EXOC6B: variants seen among roughly 807,000 people sequenced by gnomAD.
EXOC6B encodes exocyst complex component 6B, also known as SEC15 homolog B.
In EXOC6B, 54 loss-of-function variants were observed where a neutral mutation model predicts 113.5. The ratio of observed to expected loss-of-function variants is 0.48; its 90% confidence interval spans 0.38 to 0.60. EXOC6B has a LOEUF of 0.60. Among genes scored for constraint, EXOC6B ranks in the 20% least tolerant of loss-of-function variants. The pLI is 0.00. For missense variants in EXOC6B, 797 were observed against 977.5 expected, an observed-to-expected ratio of 0.82 and a Z score of 2.46; for synonymous variants, 357 against 339.0, an observed-to-expected ratio of 1.05 and a Z score of -0.58.
At chr2:72,441,586 A>G (rs1236281680) in intron 18 of EXOC6B, among the ~76,000 whole-genome samples, 2 of 152,220 alleles carry the variant, frequency 1.3e-5, no homozygotes, top group African/African-American at 2.4e-5. Flanking sequence ...CAGAAATACA[A>G]ATAACCATCA....
At chr2:72,700,889 T>C (rs1678280614) in intron 6 of EXOC6B, among the ~76,000 whole-genome samples, 1 of 151,976 alleles carries the variant, frequency 6.6e-6, no homozygotes, top group South Asian at 2.1e-4. Flanking sequence ...AGACAGAGGT[T>C]GCAGTGAGCC....
At chr2:72,357,242 T>C (rs1326853317) in intron 19 of EXOC6B, among the ~76,000 whole-genome samples, 1 of 152,226 alleles carries the variant, frequency 6.6e-6, no homozygotes, top group Non-Finnish European at 1.5e-5. Context: ...TATTTTATTA[T>C]TGTTGTTGTT....
At chr2:72,660,527 CAG>C (rs1032834206) in intron 6 of EXOC6B, among the ~76,000 whole-genome samples, 13 of 152,150 alleles carry the variant, frequency 8.5e-5, no homozygotes, top group Admixed American at 7.9e-4. Context: ...ATTATCCTAT[CAG>C]AGAATATTCT....
chr2:72,573,918 A>C (rs1704665544), intron 7 of EXOC6B, among the ~76,000 whole-genome samples: 1 of 152,094 alleles, frequency 6.6e-6, no homozygotes, highest in Admixed American at 6.5e-5. Flanking sequence ...GATCCAGACC[A>C]TCCTGGCTAA....
At chr2:72,516,032 C>A (rs1304293446) in intron 8 of EXOC6B, among the ~76,000 whole-genome samples, 1 of 152,108 alleles carries the variant, frequency 6.6e-6, no homozygotes. Flanking sequence ...ACTAGAAAAA[C>A]ACAACAAAAG....
At chr2:72,796,567 T>C (rs1420264373) in intron 1 of EXOC6B, among the ~76,000 whole-genome samples, 1 of 152,142 alleles carries the variant, frequency 6.6e-6, no homozygotes, top group Non-Finnish European at 1.5e-5. Context: ...TTCATCTTTC[T>C]ATCCTGAACA....
At chr2:72,565,886 A>G (rs1318464418) in intron 7 of EXOC6B, among the ~76,000 whole-genome samples, 1 of 152,050 alleles carries the variant, frequency 6.6e-6, no homozygotes, top group Non-Finnish European at 1.5e-5. Context: ...TATGGAGGAG[A>G]ATTTGACATT....
At chr2:72,337,033 TA>T (rs1199582384) in intron 19 of EXOC6B, among the ~76,000 whole-genome samples, 5 of 151,776 alleles carry the variant, frequency 3.3e-5, no homozygotes, top group African/African-American at 1.2e-4. Context: ...AGTAAAATTC[TA>T]AAACTGTATG....
At chr2:72,782,877 A>G (rs1378374991) in intron 1 of EXOC6B, among the ~76,000 whole-genome samples, 1 of 152,226 alleles carries the variant, frequency 6.6e-6, no homozygotes, top group Non-Finnish European at 1.5e-5. Context: ...CTGCAGCCGA[A>G]CAGTATTCCA....
At chr2:72,269,909 G>C (rs1684377305) in intron 20 of EXOC6B, among the ~76,000 whole-genome samples, 1 of 152,120 alleles carries the variant, frequency 6.6e-6, no homozygotes, top group African/African-American at 2.4e-5. Flanking sequence ...GTTTTTTGAA[G>C]TTAACTAATC....
At chr2:72,652,881 C>T (rs891846944) in intron 6 of EXOC6B, among the ~76,000 whole-genome samples, 2 of 150,952 alleles carry the variant, frequency 1.3e-5, no homozygotes, top group African/African-American at 4.9e-5. Context: ...CATGGTGGCT[C>T]ACACCTGCAG....
chr2:72,744,276 G>C (rs1558967328), intron 1 of EXOC6B, among the ~76,000 whole-genome samples: 1 of 152,148 alleles, frequency 6.6e-6, no homozygotes, highest in African/African-American at 2.4e-5. Flanking sequence ...GACTGTACAT[G>C]TTTGGCTTCC....
chr2:72,365,960 G>A (rs1400670010), intron 19 of EXOC6B, among the ~76,000 whole-genome samples: 1 of 151,908 alleles, frequency 6.6e-6, no homozygotes, highest in Non-Finnish European at 1.5e-5. Flanking sequence ...GAATCCAATT[G>A]CAAATAACTA....
chr2:72,177,004 G>T lies in EXOC6B; in HGVS notation c.*2331C>A, dbSNP rs1677772750. ...CTAGTTCAAAAACTTGACATTGCTGGTCCCTGTTTTTACCTTCCCTGGCCC... is the reference window on the plus strand; with the variant it reads ...CTAGTTCAAAAACTTGACATTGCTGTTCCCTGTTTTTACCTTCCCTGGCCC... On this transcript the variant is annotated 3_prime_UTR_variant, in exon 22 of 22. Coordinates refer to ENST00000272427, the MANE Select transcript of EXOC6B (RefSeq NM_015189.3). The T allele has an allele frequency of 1.3e-5, 2 of 152,000 alleles. No homozygotes were observed. Among genetic ancestry groups the T allele is most frequent in the South Asian group, 2.1e-4 (1 of 4,784 alleles). 9.4% of individuals were successfully genotyped at this position (152,000 alleles called of 1,614,324 possible).
chr2:72,792,373 T>A (rs1684722126), intron 1 of EXOC6B, among the ~76,000 whole-genome samples: 1 of 152,216 alleles, frequency 6.6e-6, no homozygotes, highest in African/African-American at 2.4e-5. Flanking sequence ...GTTTTGGGGT[T>A]ATTTTGAAGA....
At chr2:72,807,793 G>A (rs1685660763) in intron 1 of EXOC6B, among the ~76,000 whole-genome samples, 1 of 151,952 alleles carries the variant, frequency 6.6e-6, no homozygotes, top group African/African-American at 2.4e-5. Flanking sequence ...ACCAGAGGCT[G>A]GGAAGGGTAA....
At chr2:72,572,879 C>A (rs530391527) in intron 7 of EXOC6B, among the ~76,000 whole-genome samples, 1 of 151,954 alleles carries the variant, frequency 6.6e-6, no homozygotes, top group Non-Finnish European at 1.5e-5. Context: ...AGATAGAATG[C>A]CATTAGATGA....
In EXOC6B at chr2:72,401,647, A is replaced by ATATATATATATATATATG. The variant is rs1693317246; in HGVS notation, c.1981-21778_1981-21777insCATATATATATATATATA. 7.6e-5 allele frequency among the ~76,000 whole-genome samples: 3 copies of ATATATATATATATATATG among 39,642 alleles called. 1 individual carries two copies. The highest frequency in any genetic ancestry group is 4.4e-4 in the African/African-American group (2 of 4,516). The allele number at this position is 39,642 out of a possible 152,430, so 26.0% of individuals were successfully genotyped here. On this transcript the variant is annotated intron_variant, in intron 18 of 21. Coordinates refer to ENST00000272427, the MANE Select transcript of EXOC6B (RefSeq NM_015189.3). ...CATATATATATATATACATATATAC[A>ATATATATATATATATATG]TATATATATATATATATATGTATAT...
chr2:72,293,272 G>A (rs560212771), intron 20 of EXOC6B, among the ~76,000 whole-genome samples: 1 of 152,164 alleles, frequency 6.6e-6, no homozygotes, highest in African/African-American at 2.4e-5. Flanking sequence ...ACTCATTTCA[G>A]TCCCTACCTA....
Sources: allele counts gnomAD v4.1 joint callset (sites outside exome capture counted in the v4.1 genomes callset), GRCh38; gene constraint gnomAD v4.1.1; transcripts MANE v1.5; gene names NCBI Gene and HGNC (gene_info 2026-07-23, HGNC 2026-07-21).